LDB2: variants seen among roughly 807,000 people sequenced by gnomAD.
LDB2 encodes LIM domain binding 2, also known as LIM domain-binding protein 2.
In LDB2, 12 loss-of-function variants were observed where a neutral mutation model predicts 44.3. The observed-to-expected ratio is 0.27, with a 90% CI of 0.17 to 0.44. LDB2 has a LOEUF of 0.44. Among genes scored for constraint, LDB2 ranks in the 20% least tolerant of loss-of-function variants. The pLI, the probability that LDB2 is intolerant of heterozygous loss-of-function variation, is 1.00. For synonymous variants in LDB2, 164 were observed against 174.8 expected (o/e 0.94, Z 0.49); for missense variants, 344 against 473.5 (o/e 0.73, Z 2.54).
chr4:16,660,769 C>G (rs1489443293), intron 2 of LDB2, among the ~76,000 whole-genome samples: 1 of 152,148 alleles, frequency 6.6e-6, no homozygotes, highest in African/African-American at 2.4e-5. Flanking sequence ...GAGTCTCTTT[C>G]ATAGTCAGTG....
intron 5 of LDB2, among the ~76,000 whole-genome samples, chr4:16,561,925 AC>A (rs1318796900): frequency 3.3e-5 from 5 of 152,174 alleles, no homozygotes; most frequent in African/African-American, 1.2e-4. Context: ...CATATCTACA[AC>A]TATCTGACCT....
chr4:16,812,631 A>ATGTGTGTGTGTGTGTG lies in LDB2; in HGVS notation c.133-53387_133-53372dup, dbSNP rs5856389. ...ATATATATATCTGTGTATTAAATAT[A>ATGTGTGTGTGTGTGTG]TGTGTGTGTGTGTGTGTGTGTGTGT... On this transcript the variant is annotated intron_variant, in intron 1 of 7. Transcript: ENST00000304523. Among the ~76,000 whole-genome samples, 83 of 126,044 alleles carry ATGTGTGTGTGTGTGTG rather than the reference A, an allele frequency of 6.6e-4. 2 individuals carry two copies. Among genetic ancestry groups the ATGTGTGTGTGTGTGTG allele is most frequent in the South Asian group, 1.4e-3 (5 of 3,684 alleles). 82.7% of individuals were successfully genotyped at this position (126,044 alleles called of 152,430 possible).
chr4:16,545,822 G>A (rs1160491884), intron 5 of LDB2, among the ~76,000 whole-genome samples: 1 of 152,252 alleles, frequency 6.6e-6, no homozygotes, highest in East Asian at 1.9e-4. Flanking sequence ...GTGACAAATG[G>A]TACTTTTCAC....
intron 1 of LDB2, among the ~76,000 whole-genome samples, chr4:16,847,028 G>A (rs547979068): frequency 6.6e-6 from 1 of 152,256 alleles, no homozygotes; most frequent in East Asian, 1.9e-4. Flanking sequence ...TTTTCAGTAT[G>A]TGTCATTTCA....
rs190817242 is a variant in LDB2, at chr4:16,635,892, G to C, written c.236-40017C>G. Among the ~76,000 whole-genome samples, 228 of 152,260 alleles carry C rather than the reference G, an allele frequency of 1.5e-3. 1 individual carries two copies. The highest frequency in any genetic ancestry group is 5.9e-4 in the Non-Finnish European group (40 of 68,016). ...GGTCTATAGTATAGGTGAAATGTAA[G>C]AGCTTTGCCTCGCTGGATTTGTTGT... is the stretch of plus-strand genomic sequence containing the variant. On this transcript the variant is annotated intron_variant, in intron 2 of 7. Coordinates refer to ENST00000304523, the MANE Select transcript of LDB2 (RefSeq NM_001290.5).
At chr4:16,747,797 A>G (rs1206949528) in intron 2 of LDB2, among the ~76,000 whole-genome samples, 1 of 152,190 alleles carries the variant, frequency 6.6e-6, no homozygotes, top group African/African-American at 2.4e-5. Context: ...ACATGGAGAC[A>G]CCATGTGTGT....
chr4:16,739,997 G>T (rs1373323907), intron 2 of LDB2, among the ~76,000 whole-genome samples: 1 of 151,430 alleles, frequency 6.6e-6, no homozygotes, highest in Non-Finnish European at 1.5e-5. Flanking sequence ...CAACATAAAA[G>T]TATCTGTTCA....
At position 16,756,234 on chromosome 4, in the gene LDB2, C is replaced by T. The variant is rs532664385; in HGVS notation, c.235+2924G>A. Among the ~76,000 whole-genome samples, 34 of 152,196 alleles carry T rather than the reference C, an allele frequency of 2.2e-4. No homozygotes were observed. In the South Asian group the frequency reaches 6.4e-3, roughly 29 times the overall value. ...CCGAGGCTGGGCTGGTGGATCACTT[C>T]GGGCCAGGAGTTAGAGACCAGCCTG... On this transcript the variant is annotated intron_variant, in intron 2 of 7. Transcript: ENST00000304523.
rs1009093292 is a variant in LDB2 at position 16,898,547 on chromosome 4, G to T, written c.-62C>A. The T allele has an allele frequency of 1.9e-6, 3 of 1,575,774 alleles. No homozygotes were observed. The highest frequency in any genetic ancestry group is 2.6e-6 in the Non-Finnish European group (3 of 1,151,624). On this transcript the variant is annotated 5_prime_UTR_variant, in exon 1 of 8. Transcript: ENST00000304523. The stretch of plus-strand genomic sequence containing the variant: ...TCAGTAACGTCCATGCAGAGCACAT[G>T]GGCTGTGTTCTTCCCAGTACAAAGT...
chr4:16,515,258 G>A (rs1327572911), intron 5 of LDB2, among the ~76,000 whole-genome samples: 1 of 152,090 alleles, frequency 6.6e-6, no homozygotes, highest in Non-Finnish European at 1.5e-5. Context: ...GCACAAAGAT[G>A]GGAACAATGA....
intron 5 of LDB2, among the ~76,000 whole-genome samples, chr4:16,564,080 C>G (rs539499677): frequency 1.8e-4 from 28 of 152,258 alleles, no homozygotes; most frequent in African/African-American, 6.3e-4. Context: ...TTGAGCTTCC[C>G]CCTTCTTAAT....
intron 1 of LDB2, among the ~76,000 whole-genome samples, chr4:16,884,047 T>G (rs1720944394): frequency 6.6e-6 from 1 of 152,222 alleles, no homozygotes. Flanking sequence ...CAGACAGATG[T>G]GCTCCAAGAC....
chr4:16,772,522 T>C (rs1288751180), intron 1 of LDB2, among the ~76,000 whole-genome samples: 1 of 152,216 alleles, frequency 6.6e-6, no homozygotes, highest in Non-Finnish European at 1.5e-5. Flanking sequence ...AACCACATCA[T>C]AGAGTACCAG....
chr4:16,711,888 T>C (rs142647732), intron 2 of LDB2, among the ~76,000 whole-genome samples: 116 of 152,316 alleles, frequency 7.6e-4, no homozygotes, highest in African/African-American at 2.5e-3. Flanking sequence ...GCTGTCCACA[T>C]GCAAAAGAAC....
At chr4:16,831,253 C>T (rs1206362483) in intron 1 of LDB2, among the ~76,000 whole-genome samples, 1 of 146,498 alleles carries the variant, frequency 6.8e-6, no homozygotes, top group Non-Finnish European at 1.5e-5. Context: ...ATAGGACAAG[C>T]AGCAAGGAGG....
chr4:16,640,535 G>A (rs749613311), intron 2 of LDB2, among the ~76,000 whole-genome samples: 2 of 152,124 alleles, frequency 1.3e-5, no homozygotes, highest in African/African-American at 4.8e-5. Flanking sequence ...TGGGGTGAAG[G>A]GAAAGAATAG....
At chr4:16,891,795 G>T (rs1015129509) in intron 1 of LDB2, among the ~76,000 whole-genome samples, 1 of 152,056 alleles carries the variant, frequency 6.6e-6, no homozygotes, top group African/African-American at 2.4e-5. Flanking sequence ...CACCTCCAAA[G>T]TCAATTTGTC....
In LDB2 at chr4:16,687,124, A is replaced by C. The variant is rs76429030; in HGVS notation, c.235+72034T>G. Among the ~76,000 whole-genome samples the C allele has an allele frequency of 8.9e-4, 136 of 152,058 alleles. 4 individuals are homozygous for C. The South Asian group carries it at 0.023, about 25-fold the overall frequency. On this transcript the variant is annotated intron_variant, in intron 2 of 7. Transcript: ENST00000304523. ...TTCCTCTATAAACTTGAAAAAAAAA[A>C]CCATTAACTTCAGTTCATTAATGTA...
intron 5 of LDB2, among the ~76,000 whole-genome samples, chr4:16,514,300 T>C (rs1347639030): frequency 1.3e-5 from 2 of 152,222 alleles, no homozygotes; most frequent in Admixed American, 6.5e-5. Flanking sequence ...GTGACCCTTA[T>C]AATAGGTAAG....
Sources: gnomAD v4.1 joint callset for allele counts (sites outside exome capture counted in the v4.1 genomes callset) on GRCh38, gnomAD v4.1.1 for gene constraint, MANE v1.5 for transcripts, NCBI Gene and HGNC (gene_info 2026-07-23, HGNC 2026-07-21) for gene names.